CTNND2: variants seen among roughly 807,000 people sequenced by gnomAD.
CTNND2 encodes catenin delta 2.
In CTNND2, 22 loss-of-function variants were observed where a neutral mutation model predicts 144.4. That is an observed-to-expected ratio of 0.15 (90% CI 0.11 to 0.22). The LOEUF (loss-of-function observed/expected upper bound fraction) is 0.22. Ranked by LOEUF, CTNND2 falls within the 10% of genes least tolerant of loss-of-function variation. The pLI, the probability that CTNND2 is intolerant of heterozygous loss-of-function variation, is 1.00. For missense variants in CTNND2, 1,353 were observed against 1,618.8 expected (o/e 0.84, Z 2.82); for synonymous variants, 751 against 695.6 (o/e 1.08, Z -1.25).
intron 16 of CTNND2, among the ~76,000 whole-genome samples, chr5:11,068,941 A>G (rs779168027): frequency 4.1e-4 from 62 of 152,178 alleles, no homozygotes; most frequent in Non-Finnish European, 7.5e-4. Context: ...CAACAAAAAA[A>G]TAAGAATCTG....
chr5:11,038,787 A>G (rs966806414), intron 16 of CTNND2, among the ~76,000 whole-genome samples: 1 of 152,318 alleles, frequency 6.6e-6, no homozygotes, highest in Non-Finnish European at 1.5e-5. Flanking sequence ...CATTTTTATA[A>G]CCATGCTAAG....
chr5:11,579,429 T>G (rs1412123046), intron 2 of CTNND2, among the ~76,000 whole-genome samples: 1 of 152,166 alleles, frequency 6.6e-6, no homozygotes, highest in African/African-American at 2.4e-5. Flanking sequence ...TTATTTTCAG[T>G]CATAAAGAAT....
chr5:11,071,212 C>T (rs1748241575), intron 16 of CTNND2, among the ~76,000 whole-genome samples: 1 of 152,112 alleles, frequency 6.6e-6, no homozygotes, highest in Admixed American at 6.5e-5. Flanking sequence ...AGCACAAAGG[C>T]TCTTGGGGGC....
At chr5:11,429,569 A>G (rs558841049) in intron 3 of CTNND2, among the ~76,000 whole-genome samples, 1 of 152,146 alleles carries the variant, frequency 6.6e-6, no homozygotes, top group South Asian at 2.1e-4. Context: ...AACTGACAAA[A>G]TCCTCATCAC....
intron 10 of CTNND2, among the ~76,000 whole-genome samples, chr5:11,228,704 T>C (rs980427282): frequency 6.6e-6 from 1 of 152,034 alleles, no homozygotes; most frequent in Non-Finnish European, 1.5e-5. Context: ...GATGCCGGTC[T>C]CCTGAGCTTA....
intron 2 of CTNND2, among the ~76,000 whole-genome samples, chr5:11,568,171 C>T (rs1017169515): frequency 6.6e-6 from 1 of 152,172 alleles, no homozygotes; most frequent in Admixed American, 6.5e-5. Flanking sequence ...TCCTCACATC[C>T]TTTCAGATGG....
intron 2 of CTNND2, among the ~76,000 whole-genome samples, chr5:11,632,916 G>A (rs1483859024): frequency 9.2e-5 from 14 of 152,116 alleles, no homozygotes; most frequent in African/African-American, 2.9e-4. Flanking sequence ...AAATCTCAGC[G>A]TACTTGAAGA....
chr5:11,065,412 C>T (rs1305840797), intron 16 of CTNND2, among the ~76,000 whole-genome samples: 1 of 152,222 alleles, frequency 6.6e-6, no homozygotes, highest in Non-Finnish European at 1.5e-5. Flanking sequence ...TCCCCAGGAG[C>T]CCTGATACTT....
chr5:11,029,655 A>G (rs890052534), intron 16 of CTNND2, among the ~76,000 whole-genome samples: 25 of 152,350 alleles, frequency 1.6e-4, no homozygotes, highest in African/African-American at 5.5e-4. Context: ...TTAAAAACGA[A>G]TTATGTAGAA....
chr5:11,707,840 C>A (rs1785790937), intron 2 of CTNND2, among the ~76,000 whole-genome samples: 2 of 152,154 alleles, frequency 1.3e-5, no homozygotes, highest in African/African-American at 4.8e-5. Flanking sequence ...AACATCATCA[C>A]TGCAGACAGC....
At chr5:11,662,216 C>CATATATGTGTATATATACATATATGTGT (rs1561669285) in intron 2 of CTNND2, among the ~76,000 whole-genome samples, 1 of 89,422 alleles carries the variant, frequency 1.1e-5, no homozygotes, top group Non-Finnish European at 1.9e-5. Flanking sequence ...TATATATATA[C>CATATATGTGTATATATACATATATGTGT]ATATATGTGT....
At chr5:11,449,196 A>G (rs1765097209) in intron 3 of CTNND2, among the ~76,000 whole-genome samples, 1 of 152,184 alleles carries the variant, frequency 6.6e-6, no homozygotes. Flanking sequence ...ATTGTTGTCT[A>G]AAAATATCAT....
chr5:11,427,714 T>C (rs985867742), intron 3 of CTNND2, among the ~76,000 whole-genome samples: 4 of 152,136 alleles, frequency 2.6e-5, no homozygotes, highest in African/African-American at 9.7e-5. Flanking sequence ...CAGGCACACA[T>C]AGGATATCAA....
At position 11,551,887 on chromosome 5, in the gene CTNND2, C is replaced by T. The variant is rs189128720; in HGVS notation, c.287+13057G>A. ...AAGTGCTGGGATTACAGGTGTGAGC[C>T]ACCACGCCTGGCGTTTTTCAAATTT... On this transcript the variant is annotated intron_variant, in intron 3 of 21. Coordinates refer to ENST00000304623, the MANE Select transcript of CTNND2 (RefSeq NM_001332.4). Among the ~76,000 whole-genome samples the T allele has an allele frequency of 4.6e-5, 7 of 152,274 alleles. No individual in the cohort carries two copies. The East Asian group carries it at 1.4e-3, about 29-fold the overall frequency.
chr5:11,024,112 T>C (rs922368053), intron 16 of CTNND2, among the ~76,000 whole-genome samples: 4 of 152,230 alleles, frequency 2.6e-5, no homozygotes, highest in Non-Finnish European at 4.4e-5. Flanking sequence ...TTTAATTCTC[T>C]GGTGTATGGT....
intron 2 of CTNND2, among the ~76,000 whole-genome samples, chr5:11,594,532 T>C (rs920142669): frequency 6.6e-6 from 1 of 152,222 alleles, no homozygotes; most frequent in Non-Finnish European, 1.5e-5. Context: ...ATTTCCTTTT[T>C]AAAGAAAATG....
chr5:11,786,259 AAAAGT>A (rs1790824533), intron 1 of CTNND2, among the ~76,000 whole-genome samples: 1 of 152,214 alleles, frequency 6.6e-6, no homozygotes, highest in Non-Finnish European at 1.5e-5. Flanking sequence ...TCCATTTTAG[AAAAGT>A]AAAGTGTAAG....
chr5:11,316,817 A>G (rs2150061894), intron 9 of CTNND2, among the ~76,000 whole-genome samples: 1 of 152,260 alleles, frequency 6.6e-6, no homozygotes, highest in Non-Finnish European at 1.5e-5. Context: ...AAAGGACATG[A>G]ACTCATCATT....
chr5:11,726,189 G>T (rs1458610440), intron 2 of CTNND2, among the ~76,000 whole-genome samples: 1 of 151,910 alleles, frequency 6.6e-6, no homozygotes, highest in Admixed American at 6.6e-5. Flanking sequence ...TTTTCATACT[G>T]TGAAAATGGA....
Sources: allele counts gnomAD v4.1 joint callset (sites outside exome capture counted in the v4.1 genomes callset), GRCh38; gene constraint gnomAD v4.1.1; transcripts MANE v1.5; gene names NCBI Gene and HGNC (gene_info 2026-07-23, HGNC 2026-07-21).